Variants in CGGBP1 observed in about 807,000 individuals in gnomAD.
CGGBP1 encodes CGG triplet repeat binding protein 1.
Under a neutral mutation model 11.4 loss-of-function variants are expected in CGGBP1, and 4 were observed. The ratio of observed to expected loss-of-function variants is 0.35; its 90% CI spans 0.17 to 0.80. The LOEUF (loss-of-function observed/expected upper bound fraction) is 0.80, where lower values mean the gene tolerates loss of function less well. CGGBP1 is among the 30% of genes least tolerant of loss of function. The pLI, the probability that CGGBP1 is intolerant of heterozygous loss-of-function variation, is 0.52. For synonymous variants in CGGBP1, 76 were observed against 74.1 expected (o/e 1.03, Z -0.13); for missense variants, 135 against 202.1 (o/e 0.67, Z 2.01).
chr3:88,066,489 G>A (rs954074122), intron 2 of CGGBP1, among the ~76,000 whole-genome samples: 1 of 152,040 alleles, frequency 6.6e-6, no homozygotes, highest in African/African-American at 2.4e-5. Context: ...TGGGAGGATG[G>A]CTTAAGCCCA....
intron 2 of CGGBP1, among the ~76,000 whole-genome samples, chr3:88,107,653 C>T (rs1187254372): frequency 6.6e-6 from 1 of 152,046 alleles, no homozygotes; most frequent in East Asian, 1.9e-4. Context: ...ACTCTTGCTT[C>T]TTGTGTTTTC....
chr3:88,143,761 C>T (rs1165968060), intron 1 of CGGBP1: 1 of 152,080 alleles, frequency 6.6e-6, no homozygotes, highest in Non-Finnish European at 1.5e-5. Context: ...TGAGATCAAA[C>T]TGGTTTATAT....
At chr3:88,077,905 G>T (rs1236070341) in intron 2 of CGGBP1, among the ~76,000 whole-genome samples, 1 of 152,148 alleles carries the variant, frequency 6.6e-6, no homozygotes, top group Admixed American at 6.5e-5. Context: ...TGTATTTCAT[G>T]AGTCACCAAA....
Position 88,055,322 on chromosome 3 carries a change from GTTT to G in CGGBP1, c.*148_*150del. 1.7e-6 allele frequency: 1 copy of G among 583,010 alleles called. No individual in the cohort carries two copies. The highest frequency in any genetic ancestry group is 2.6e-6 in the Non-Finnish European group (1 of 385,346). 36.1% of individuals were successfully genotyped at this position (583,010 alleles called of 1,614,324 possible). A position where few individuals can be genotyped will look rare whatever the true frequency, so the allele number is the denominator to read the frequency against. On this transcript the variant is annotated 3_prime_UTR_variant, in exon 4 of 4. Transcript: ENST00000482016. This position sits in a 1 kb window ranked among gnomAD's most constrained non-coding sequence, Gnocchi z 4.2. ...TAACAATAAGTTTTGCAGTGAGGTG[GTTT>G]TTTTTTTGCCTGCAACTATATACAC...
At position 88,053,236 on chromosome 3, in the gene CGGBP1, G is replaced by GT. The variant is rs1706466441; in HGVS notation, c.*2236dup. On this transcript the variant is annotated 3_prime_UTR_variant, in exon 4 of 4. Coordinates refer to ENST00000482016, the MANE Select transcript of CGGBP1 (RefSeq NM_001008390.2). ...AGCAGGCTAAAACAATCATTCTGCT[G>GT]TATTTATTTAACTTTAGACACAGTT... The GT allele has an allele frequency of 6.6e-6, 1 of 152,082 alleles. No individual in the cohort carries two copies. Among genetic ancestry groups the GT allele is most frequent in the Non-Finnish European group, 1.5e-5 (1 of 67,964 alleles). The allele number at this position is 152,082 out of a possible 1,614,324, so 9.4% of individuals were successfully genotyped here. A position where few individuals can be genotyped will look rare whatever the true frequency, so the allele number is the denominator to read the frequency against.
chr3:88,100,304 A>C (rs1704333931), intron 2 of CGGBP1, among the ~76,000 whole-genome samples: 1 of 152,214 alleles, frequency 6.6e-6, no homozygotes, highest in Non-Finnish European at 1.5e-5. Flanking sequence ...AATGACAATC[A>C]TTAAAAAGTC....
At chr3:88,086,015 C>T (rs1428614050) in intron 2 of CGGBP1, among the ~76,000 whole-genome samples, 2 of 152,070 alleles carry the variant, frequency 1.3e-5, no homozygotes, top group Non-Finnish European at 2.9e-5. Context: ...TTTGGTAAAA[C>T]ATTGGTAGTT....
chr3:88,108,985 T>C (rs1348163299), intron 2 of CGGBP1, among the ~76,000 whole-genome samples: 5 of 152,072 alleles, frequency 3.3e-5, no homozygotes, highest in Non-Finnish European at 5.9e-5. Context: ...TTAAGGTGCT[T>C]AGTTAAGATG....
chr3:88,141,157 G>C (rs1707105904), intron 1 of CGGBP1: 1 of 1,262,824 alleles, frequency 7.9e-7, no homozygotes, highest in Non-Finnish European at 1.1e-6. Context: ...TGTAGCACAG[G>C]TAGTGAAGCA....
intron 2 of CGGBP1, among the ~76,000 whole-genome samples, chr3:88,091,745 G>T (rs1316212622): frequency 6.6e-6 from 1 of 152,092 alleles, no homozygotes; most frequent in Non-Finnish European, 1.5e-5. Context: ...GAGATCTGAT[G>T]GTTTTATAAA....
upstream of CGGBP1, chr3:88,059,185 C>G: frequency 1.4e-6 from 2 of 1,432,838 alleles, no homozygotes; most frequent in Non-Finnish European, 9.1e-7. Context: ...GGAAGTAGAG[C>G]CCAGCCGAGA....
chr3:88,085,022 T>G (rs1708263422), intron 2 of CGGBP1, among the ~76,000 whole-genome samples: 1 of 152,208 alleles, frequency 6.6e-6, no homozygotes, highest in African/African-American at 2.4e-5. Context: ...AGCATCTCTG[T>G]TTTTCAAGGC....
intron 2 of CGGBP1, among the ~76,000 whole-genome samples, chr3:88,071,799 C>T (rs373759988): frequency 3.3e-5 from 5 of 151,956 alleles, no homozygotes; most frequent in Non-Finnish European, 5.9e-5. Context: ...AGTGAGACTC[C>T]GTCTCAAAAA....
chr3:88,133,198 G>A (rs567961806), intron 2 of CGGBP1, among the ~76,000 whole-genome samples: 1 of 152,182 alleles, frequency 6.6e-6, no homozygotes, highest in East Asian at 1.9e-4. Context: ...GGGTCACATA[G>A]GAGACATGGC....
At chr3:88,099,463 T>C (rs1454915633) in intron 2 of CGGBP1, among the ~76,000 whole-genome samples, 4 of 152,102 alleles carry the variant, frequency 2.6e-5, no homozygotes, top group Non-Finnish European at 4.4e-5. Context: ...CTTCACAGAA[T>C]TGGAAAAAAC....
intron 2 of CGGBP1, among the ~76,000 whole-genome samples, chr3:88,120,113 T>C (rs9860113): frequency 0.94 from 142,595 of 152,080 alleles, 67,435 homozygotes; most frequent in Non-Finnish European, 1. Context: ...GGCATTCATA[T>C]ATTTTTATAA....
At chr3:88,112,089 T>G (rs970428647) in intron 2 of CGGBP1, among the ~76,000 whole-genome samples, 1 of 151,872 alleles carries the variant, frequency 6.6e-6, no homozygotes, top group Non-Finnish European at 1.5e-5. Context: ...GGTTTTACGT[T>G]TTTTGGTCTG....
In CGGBP1 at chr3:88,144,956, T is replaced by C. The variant is rs1461416055; in HGVS notation, c.-337-3878A>G. Among the ~76,000 whole-genome samples the C allele has an allele frequency of 5.3e-5, 8 of 152,014 alleles. No homozygotes were observed. The East Asian group carries it at 7.7e-4, about 15-fold the overall frequency. On this transcript the variant is annotated intron_variant, in intron 1 of 3. Transcript: ENST00000462901. ...TCAGGTAAGTGGGTTCAGTGTGATA[T>C]AGTACGTTCTGCAAACTTAGTAGGT...
At chr3:88,103,421 A>G (rs529281368) in intron 2 of CGGBP1, among the ~76,000 whole-genome samples, 3 of 152,322 alleles carry the variant, frequency 2.0e-5, no homozygotes, top group South Asian at 2.1e-4. Context: ...TTGAATGTAG[A>G]TTCATAGAAA....
Sources: gnomAD v4.1 joint callset for allele counts (sites outside exome capture counted in the v4.1 genomes callset) on GRCh38, gnomAD v4.1.1 for gene constraint, Gnocchi (gnomAD v3.1) non-coding constraint, MANE v1.5 for transcripts, NCBI Gene and HGNC (gene_info 2026-07-23, HGNC 2026-07-21) for gene names.